CAMK1D: variants seen among roughly 807,000 people sequenced by gnomAD.
CAMK1D encodes the protein calcium/calmodulin dependent protein kinase ID.
CAMK1D carries 9 observed loss-of-function variants against 47.7 expected under a neutral mutation model. That is an observed-to-expected ratio of 0.19 (90% CI 0.11 to 0.33). The LOEUF is 0.33. CAMK1D is among the 10% of genes least tolerant of loss of function. The probability of loss-of-function intolerance (pLI) is 1.00; values close to 1 mark genes in which losing one functional copy is unlikely to be tolerated. For missense variants in CAMK1D, 291 were observed against 488.7 expected (o/e 0.60, Z 3.81); for synonymous variants, 184 against 184.9 (o/e 0.99, Z 0.04).
rs571099842 is a variant in CAMK1D at position 12,371,629 on chromosome 10, G to T, written c.92+21719G>T. Among the ~76,000 whole-genome samples the T allele has an allele frequency of 1.8e-4, 28 of 151,378 alleles. No individual in the cohort carries two copies. In the South Asian group the frequency reaches 5.6e-3, roughly 30 times the overall value. ...AAAAACTTTTTTGGCTAGGCACAGT[G>T]GCTCACGCCTGTAATCCCAGCACTT... On this transcript the variant is annotated intron_variant, in intron 1 of 10. Transcript: ENST00000619168.
At chr10:12,700,505 C>T (rs1006130376) in intron 3 of CAMK1D, among the ~76,000 whole-genome samples, 2 of 152,182 alleles carry the variant, frequency 1.3e-5, no homozygotes, top group Non-Finnish European at 2.9e-5. Flanking sequence ...AAGGGAACTA[C>T]AGTTCAAGAT....
chr10:12,754,063 G>A (rs898594569), intron 3 of CAMK1D, among the ~76,000 whole-genome samples: 2 of 151,992 alleles, frequency 1.3e-5, no homozygotes, highest in African/African-American at 4.8e-5. Flanking sequence ...GCTAATTTTT[G>A]TATTTTTAGT....
At chr10:12,651,757 G>A (rs1415269549) in intron 2 of CAMK1D, among the ~76,000 whole-genome samples, 2 of 151,460 alleles carry the variant, frequency 1.3e-5, no homozygotes, top group Admixed American at 6.6e-5. Flanking sequence ...TAGGACAAAG[G>A]AGCTCATTAC....
At chr10:12,803,604 G>A (rs759738247) in intron 6 of CAMK1D, among the ~76,000 whole-genome samples, 3 of 152,104 alleles carry the variant, frequency 2.0e-5, no homozygotes, top group African/African-American at 2.4e-5. Context: ...GCAGTGAGCC[G>A]AGATCACGCC....
chr10:12,620,531 A>G (rs537394908), intron 2 of CAMK1D, among the ~76,000 whole-genome samples: 30 of 152,358 alleles, frequency 2.0e-4, no homozygotes, highest in African/African-American at 7.2e-4. Context: ...AATGTTGTAC[A>G]TCTTTCTATG....
intron 1 of CAMK1D, among the ~76,000 whole-genome samples, chr10:12,455,959 G>A (rs774199951): frequency 3.9e-5 from 6 of 152,112 alleles, no homozygotes; most frequent in Admixed American, 6.5e-5. Context: ...GGTGCACCCC[G>A]CCCATAATAA....
At chr10:12,713,400 G>A (rs1342326880) in intron 3 of CAMK1D, among the ~76,000 whole-genome samples, 1 of 152,184 alleles carries the variant, frequency 6.6e-6, no homozygotes, top group Non-Finnish European at 1.5e-5. Context: ...GTGAAGTGCA[G>A]CATTGGGTTA....
At chr10:12,529,084 C>T (rs1361388728) in intron 1 of CAMK1D, among the ~76,000 whole-genome samples, 4 of 152,070 alleles carry the variant, frequency 2.6e-5, no homozygotes, top group African/African-American at 7.2e-5. Flanking sequence ...GCAATCCACC[C>T]GTCTTGGTCT....
chr10:12,440,811 G>T (rs746612444), intron 1 of CAMK1D, among the ~76,000 whole-genome samples: 1 of 152,202 alleles, frequency 6.6e-6, no homozygotes, highest in Non-Finnish European at 1.5e-5. Context: ...ATGATGGGAT[G>T]CAGGAAATGC....
At position 12,826,933 on chromosome 10, in the gene CAMK1D, A is replaced by G. The variant is rs180839877; in HGVS notation, c.1039+1243A>G. Among the ~76,000 whole-genome samples, 213 of 152,304 alleles carry G rather than the reference A, an allele frequency of 1.4e-3. 1 individual carries two copies. Among genetic ancestry groups the G allele is most frequent in the African/African-American group, 4.8e-3 (198 of 41,566 alleles). ...GCTGTTTGTCCCCATGTCTGAGCAC[A>G]CAGACTCCCTGGGGGCCTGCACCAA... On this transcript the variant is annotated intron_variant, in intron 10 of 10. Transcript: ENST00000619168.
At chr10:12,406,803 C>T (rs939185530) in intron 1 of CAMK1D, among the ~76,000 whole-genome samples, 2 of 150,064 alleles carry the variant, frequency 1.3e-5, no homozygotes, top group Non-Finnish European at 3.0e-5. Context: ...CCTGGGCATC[C>T]TCCATTGCTG....
intron 1 of CAMK1D, among the ~76,000 whole-genome samples, chr10:12,541,407 A>G (rs1032238745): frequency 2.6e-5 from 4 of 152,100 alleles, no homozygotes; most frequent in African/African-American, 9.7e-5. Context: ...TCTGTGACCC[A>G]GGCTGGAGTG....
Position 12,349,857 on chromosome 10 carries a change from A to G in CAMK1D, c.39A>G (p.Lys13=), listed in dbSNP as rs147907642. The change falls in exon 1 of 11, where the codon AAA becomes AAG. Residue 13 remains lysine, a synonymous_variant. Transcript: ENST00000619168. ...ACGGCGAGAGCAGCTCCTCCTGGAAAAAGCAAGCTGAAGACATCAAGAAGA... is the reference window on the plus strand; with the variant it reads ...ACGGCGAGAGCAGCTCCTCCTGGAAGAAGCAAGCTGAAGACATCAAGAAGA... ...RENGESSSSW[K]KQAEDIKKIF... The G allele has an allele frequency of 1.8e-4, 283 of 1,540,190 alleles. No homozygotes were observed. Among genetic ancestry groups the G allele is most frequent in the Non-Finnish European group, 1.9e-4 (214 of 1,142,232 alleles).
intron 6 of CAMK1D, among the ~76,000 whole-genome samples, chr10:12,795,468 C>CA (rs1172093853): frequency 1.9e-4 from 29 of 152,364 alleles, no homozygotes; most frequent in African/African-American, 3.6e-4. Flanking sequence ...GGCAGCATGC[C>CA]AGGGAGGCCA....
chr10:12,665,013 G>C (rs1840384178), intron 2 of CAMK1D, among the ~76,000 whole-genome samples: 1 of 152,210 alleles, frequency 6.6e-6, no homozygotes, highest in African/African-American at 2.4e-5. Flanking sequence ...ATCCAATAAT[G>C]ATAATGCCGT....
chr10:12,771,054 C>T (rs1294781262), intron 5 of CAMK1D, among the ~76,000 whole-genome samples: 16 of 151,862 alleles, frequency 1.1e-4, no homozygotes, highest in East Asian at 1.9e-4. Context: ...CTCAGCCTCC[C>T]GAGTACCTGG....
intron 3 of CAMK1D, among the ~76,000 whole-genome samples, chr10:12,729,112 A>G (rs1834778305): frequency 6.6e-6 from 1 of 152,188 alleles, no homozygotes; most frequent in East Asian, 1.9e-4. Flanking sequence ...GTGGTTGGGC[A>G]CCATAGAATT....
At chr10:12,710,105 A>G (rs918960817) in intron 3 of CAMK1D, among the ~76,000 whole-genome samples, 4 of 152,234 alleles carry the variant, frequency 2.6e-5, no homozygotes, top group African/African-American at 4.8e-5. Flanking sequence ...TGAGGATTAA[A>G]TGAAATACTA....
At chr10:12,597,410 T>G (rs2132378380) in intron 2 of CAMK1D, among the ~76,000 whole-genome samples, 1 of 152,238 alleles carries the variant, frequency 6.6e-6, no homozygotes, top group Non-Finnish European at 1.5e-5. Flanking sequence ...CTGCCCACGG[T>G]CATTGGCCTT....
Sources: allele counts gnomAD v4.1 joint callset (sites outside exome capture counted in the v4.1 genomes callset), GRCh38; gene constraint gnomAD v4.1.1; transcripts MANE v1.5; gene names NCBI Gene and HGNC (gene_info 2026-07-23, HGNC 2026-07-21).